The following MDGA1 variants were observed in gnomAD, a reference collection of about 807,000 sequenced individuals.
The protein encoded by MDGA1 is MAM domain containing glycosylphosphatidylinositol anchor 1, also known as MAM domain-containing glycosylphosphatidylinositol anchor protein 1.
MDGA1 carries 54 observed loss-of-function variants against 101.5 expected under a neutral mutation model. The observed-to-expected ratio is 0.53, with a 90% CI of 0.43 to 0.67. The LOEUF is 0.67. Among genes scored for constraint, MDGA1 ranks in the 30% least tolerant of loss-of-function variants. The pLI, the probability that MDGA1 is intolerant of heterozygous loss-of-function variation, is 0.00. For missense variants in MDGA1, 1,083 were observed against 1,323.8 expected (o/e 0.82, Z 2.82); for synonymous variants, 533 against 558.3 (o/e 0.95, Z 0.64).
Position 37,637,362 on chromosome 6 carries a change from C to T in MDGA1, c.*6G>A. On this transcript the variant is annotated 3_prime_UTR_variant, in exon 17 of 17. Transcript: ENST00000434837. ...CAAGGTTGGGGGGGTGGCCACACAG[C>T]TCTCATCATCTCTGCAACGCCAAGA... is the stretch of plus-strand genomic sequence containing the variant. 1.9e-6 allele frequency: 3 copies of T among 1,611,790 alleles called. No homozygotes were observed. Among genetic ancestry groups the T allele is most frequent in the South Asian group, 2.2e-5 (2 of 90,906 alleles).
chr6:37,657,822 A>G (rs920476168), intron 3 of MDGA1, among the ~76,000 whole-genome samples: 6 of 152,150 alleles, frequency 3.9e-5, no homozygotes, highest in African/African-American at 1.4e-4. Flanking sequence ...GTAATGTAGT[A>G]AGGAGGGAAA....
rs187228402 is a variant in MDGA1 at position 37,654,579 on chromosome 6, G to C, written c.713-36C>G. 1,149 of 1,613,854 alleles carry C rather than the reference G, an allele frequency of 7.1e-4. 7 individuals carry two copies. The highest frequency in any genetic ancestry group is 2.4e-3 in the Admixed American group (142 of 60,030). On this transcript the variant is annotated intron_variant, in intron 5 of 16. Coordinates refer to ENST00000434837, the MANE Select transcript of MDGA1 (RefSeq NM_153487.4). ...AAGGAGGGGGGTCTTAGGGGACTGT[G>C]AGGCAGGGCTGGATGTTGGGGAGAG...
intron 1 of MDGA1, among the ~76,000 whole-genome samples, chr6:37,680,647 G>A (rs1273315832): frequency 2.6e-5 from 4 of 152,258 alleles, no homozygotes; most frequent in African/African-American, 4.8e-5. Flanking sequence ...CTCAGGCTGG[G>A]AAGTAAGCAT....
chr6:37,664,359 A>G, intron 1 of MDGA1: 1 of 486,574 alleles, frequency 2.1e-6, no homozygotes, highest in Non-Finnish European at 3.7e-6. Context: ...CAGTGGGCTG[A>G]TTGTGTGAAG....
At chr6:37,674,163 T>C (rs1257303129) in intron 1 of MDGA1, among the ~76,000 whole-genome samples, 1 of 152,196 alleles carries the variant, frequency 6.6e-6, no homozygotes, top group African/African-American at 2.4e-5. Flanking sequence ...GGGCCTTTTC[T>C]GCTCATCAAA....
intron 1 of MDGA1, among the ~76,000 whole-genome samples, chr6:37,692,879 A>G (rs1324274449): frequency 1.3e-5 from 2 of 152,114 alleles, no homozygotes; most frequent in Admixed American, 6.6e-5. Context: ...CCCCTGACCT[A>G]GAGCCCCCGC....
chr6:37,650,371 G>C lies in MDGA1; in HGVS notation c.1347C>G (p.Ala449=). 1 of 1,568,556 alleles carries C rather than the reference G, an allele frequency of 6.4e-7. No homozygotes were observed. The highest frequency in any genetic ancestry group is 8.6e-7 in the Non-Finnish European group (1 of 1,157,002). Residue 449 remains alanine, a synonymous_variant, in exon 8 of 17, where the codon GCC becomes GCG. Transcript: ENST00000434837. Reference sequence around the variant, plus strand: ...GCGATCCCTCGCGCACGGTCACCACGGCCCTACCCTTGGGCACACTGATGG... The same window carrying C: ...GCGATCCCTCGCGCACGGTCACCACCGCCCTACCCTTGGGCACACTGATGG... ...PPTISVPKGR[A]VVTVREGSPA...
chr6:37,654,293 A>G lies in MDGA1; in HGVS notation c.963T>C (p.Thr321=). 3.9e-6 allele frequency: 6 copies of G among 1,555,820 alleles called. No homozygotes were observed. Among genetic ancestry groups the G allele is most frequent in the Non-Finnish European group, 5.2e-6 (6 of 1,150,176 alleles). The change falls in exon 6 of 17, where the codon ACT becomes ACC. Residue 321 remains threonine, a synonymous_variant. Transcript: ENST00000434837. ...ACGTACATCGCACCAGCAGGTTGAC[A>G]GTCTTCTTGGCAGGGTTGCCCACAT... ...TNNVGNPAKK[T]VNLLVRSMKN...
chr6:37,672,072 T>C (rs1438963140), intron 1 of MDGA1, among the ~76,000 whole-genome samples: 1 of 150,854 alleles, frequency 6.6e-6, no homozygotes, highest in African/African-American at 2.4e-5. Context: ...GCTCAGGAGG[T>C]GGAGACTGCA....
Position 37,664,051 on chromosome 6 carries a change from G to A in MDGA1, c.123C>T (p.Asp41=). ...HAGQACVVKE[D]NISERVYTIR... ...TGGTGTAGACACGCTCGCTGATATTGTCCTCTTTCACCACACATGCCTGGC... is the reference window on the plus strand; with the variant it reads ...TGGTGTAGACACGCTCGCTGATATTATCCTCTTTCACCACACATGCCTGGC... The change falls in exon 2 of 17, where the codon GAC becomes GAT. Residue 41 remains aspartate, a synonymous_variant. Transcript: ENST00000434837. 1.2e-6 allele frequency: 2 copies of A among 1,613,862 alleles called. No individual in the cohort carries two copies. Among genetic ancestry groups the A allele is most frequent in the Non-Finnish European group, 1.7e-6 (2 of 1,179,856 alleles).
intron 2 of MDGA1, 27 bp from the exon 3 acceptor site, chr6:37,658,446 G>A (rs1171380485): frequency 1.3e-6 from 2 of 1,585,896 alleles, no homozygotes; most frequent in Non-Finnish European, 1.7e-6. Context: ...GGCAGAGTCA[G>A]ACTGTCAGAC....
rs1761464436 is a variant in MDGA1 at position 37,655,556 on chromosome 6, T to G, written c.579+144A>C. On this transcript the variant is annotated intron_variant, in intron 4 of 16. Transcript: ENST00000434837. This position sits in a 1 kb window ranked among gnomAD's most constrained non-coding sequence, Gnocchi z 5.1. ...CATCTGATTTTTCTGCCCCAGGCTGTCTGAACTCCAATCAGAATGTGTGTT... is the reference window on the plus strand; with the variant it reads ...CATCTGATTTTTCTGCCCCAGGCTGGCTGAACTCCAATCAGAATGTGTGTT... The G allele has an allele frequency of 1.5e-6, 1 of 674,714 alleles. No individual in the cohort carries two copies. Among genetic ancestry groups the G allele is most frequent in the Admixed American group, 3.0e-5 (1 of 32,812 alleles). The allele number at this position is 674,714 out of a possible 1,614,324, so 41.8% of individuals were successfully genotyped here.
chr6:37,654,037 A>T (rs888318412), intron 6 of MDGA1, among the ~76,000 whole-genome samples: 1 of 152,212 alleles, frequency 6.6e-6, no homozygotes, highest in Non-Finnish European at 1.5e-5. Context: ...TTGAGGTTAC[A>T]TTTGGAAATG....
intron 4 of MDGA1, 28 bp from the exon 5 acceptor site, chr6:37,654,960 G>A (rs761867006): frequency 2.5e-6 from 4 of 1,611,022 alleles, no homozygotes; most frequent in Non-Finnish European, 3.4e-6. Context: ...ACTGGGGTGA[G>A]GTGCCTGCTT....
chr6:37,644,422 C>A lies in MDGA1; in HGVS notation c.2401+75G>T, dbSNP rs540123914. The A allele has an allele frequency of 1.0e-5, 14 of 1,399,742 alleles. No individual in the cohort carries two copies. In the Admixed American group the frequency reaches 3.9e-4, roughly 39 times the overall value. 86.7% of individuals were successfully genotyped at this position (1,399,742 alleles called of 1,614,324 possible). A position where few individuals can be genotyped will look rare whatever the true frequency, so the allele number is the denominator to read the frequency against. On this transcript the variant is annotated intron_variant, in intron 13 of 16. Transcript: ENST00000434837. ...AGACTGGAGCCGTCTCCCTTCATCC[C>A]CAGTCTGGGGTGCCCTGGGCCTAGA...
In MDGA1 at chr6:37,643,862, C is replaced by G; in HGVS notation, c.2483G>C (p.Ser828Thr). 1 of 1,613,988 alleles carries G rather than the reference C, an allele frequency of 6.2e-7. No homozygotes were observed. Among genetic ancestry groups the G allele is most frequent in the Non-Finnish European group, 8.5e-7 (1 of 1,179,874 alleles). ...ARLVSPLYNA[S>T]AKFYCVSFFY... ...GAAGGAGACACAGTAGAACTTGGCGCTGGCATTGTAGAGGGGACTCACTAA... is the reference window on the plus strand; with the variant it reads ...GAAGGAGACACAGTAGAACTTGGCGGTGGCATTGTAGAGGGGACTCACTAA... Residue 828 changes from serine (S) to threonine (T), a missense_variant, in exon 14 of 17, where the codon AGC (serine) becomes ACC (threonine). Coordinates refer to ENST00000434837, the MANE Select transcript of MDGA1 (RefSeq NM_153487.4).
At chr6:37,679,282 A>G (rs1204512385) in intron 1 of MDGA1, among the ~76,000 whole-genome samples, 1 of 152,180 alleles carries the variant, frequency 6.6e-6, no homozygotes, top group African/African-American at 2.4e-5. Flanking sequence ...ACTGGACCAG[A>G]GTTCAATCAC....
rs376483107 is a variant in MDGA1 at position 37,682,439 on chromosome 6, G to A, written c.67+14306C>T. ...GTAGAGATTGCAGTGAGCCAAGATTGTACCATTGCACTCCAGCCTGGGTGA... is the reference window on the plus strand; with the variant it reads ...GTAGAGATTGCAGTGAGCCAAGATTATACCATTGCACTCCAGCCTGGGTGA... On this transcript the variant is annotated intron_variant, in intron 1 of 16. Coordinates refer to ENST00000434837, the MANE Select transcript of MDGA1 (RefSeq NM_153487.4). Among the ~76,000 whole-genome samples the A allele has an allele frequency of 2.6e-5, 4 of 152,292 alleles. No individual in the cohort carries two copies. The South Asian group carries it at 8.3e-4, about 32-fold the overall frequency.
chr6:37,692,455 G>T (rs114762466), intron 1 of MDGA1, among the ~76,000 whole-genome samples: 4,104 of 150,878 alleles, frequency 0.027, 103 homozygotes, highest in African/African-American at 0.051. Flanking sequence ...TGGCAGGGAC[G>T]TGGGGGCAGT....
Sources: allele counts gnomAD v4.1 joint callset (sites outside exome capture counted in the v4.1 genomes callset), GRCh38; gene constraint gnomAD v4.1.1; non-coding constraint Gnocchi (gnomAD v3.1); transcripts MANE v1.5; gene names NCBI Gene and HGNC (gene_info 2026-07-23, HGNC 2026-07-21).